TEX14: variants seen among roughly 807,000 people sequenced by gnomAD.
TEX14 encodes inactive serine/threonine-protein kinase TEX14.
TEX14 carries 168 observed loss-of-function variants against 178.6 expected under a neutral mutation model. The observed-to-expected ratio is 0.94, with a 90% CI of 0.83 to 1.07. TEX14 has a LOEUF of 1.07. Ranked by LOEUF, TEX14 falls within the 50% of genes least tolerant of loss-of-function variation. The probability of loss-of-function intolerance (pLI) is 0.00; values close to 1 mark genes in which losing one functional copy is unlikely to be tolerated. For synonymous variants in TEX14, 626 were observed against 634.1 expected (o/e 0.99, Z 0.19); for missense variants, 1,730 against 1,753.6 (o/e 0.99, Z 0.24).
chr17:58,639,363 T>C (rs930557047), intron 2 of TEX14, among the ~76,000 whole-genome samples: 6 of 151,592 alleles, frequency 4.0e-5, no homozygotes, highest in African/African-American at 1.5e-4. Context: ...GTATACTGGT[T>C]GGGTGATGGG....
chr17:58,584,055 T>G (rs188362609), intron 19 of TEX14, among the ~76,000 whole-genome samples: 1 of 152,292 alleles, frequency 6.6e-6, no homozygotes, highest in East Asian at 1.9e-4. Flanking sequence ...TGAGGTGCAG[T>G]TGTCAGGCAC....
chr17:58,687,664 T>C (rs1432609289), intron 1 of TEX14, among the ~76,000 whole-genome samples: 1 of 151,974 alleles, frequency 6.6e-6, no homozygotes, highest in Non-Finnish European at 1.5e-5. Flanking sequence ...TCTATGTTCT[T>C]AGGCTAAAAA....
chr17:58,578,524 G>C (rs1003689188), intron 20 of TEX14, among the ~76,000 whole-genome samples: 4 of 152,096 alleles, frequency 2.6e-5, no homozygotes, highest in Non-Finnish European at 5.9e-5. Context: ...GAAGGAAAAG[G>C]GGGCAGAGAG....
intron 1 of TEX14, among the ~76,000 whole-genome samples, chr17:58,668,342 CA>C (rs2047248211): frequency 6.6e-6 from 1 of 152,132 alleles, no homozygotes. Flanking sequence ...ATCCTTACAG[CA>C]AAAAAGTGCA....
At chr17:58,594,870 C>G (rs1307731757) in intron 14 of TEX14, among the ~76,000 whole-genome samples, 1 of 152,164 alleles carries the variant, frequency 6.6e-6, no homozygotes, top group African/African-American at 2.4e-5. Context: ...ATAATTTTAA[C>G]AAACTTAGTT....
rs1326984238 is a variant in TEX14 at position 58,599,259 on chromosome 17, G to A, written c.2086C>T (p.Gln696Ter). Residue 696 changes from glutamine to a stop codon, truncating the protein, a stop_gained, in exon 14 of 32, where the codon CAA becomes TAA. Coordinates refer to ENST00000349033, the MANE Select transcript of TEX14 (RefSeq NM_031272.5). LOFTEE classifies it high-confidence loss of function. ...TEYSFDDWDW[Q>*]NGSLSSLSLP... The stretch of plus-strand genomic sequence containing the variant: ...CTGAGTGAACTGAGTGAACCGTTTT[G>A]CCAGTCCCAGTCATCAAAAGAGTAC... 1 of 1,613,582 alleles carries A rather than the reference G, an allele frequency of 6.2e-7. No individual in the cohort carries two copies. Among genetic ancestry groups the A allele is most frequent in the East Asian group, 2.2e-5 (1 of 44,880 alleles).
Position 58,644,523 on chromosome 17 carries a change from G to A in TEX14, c.136+7343C>T, listed in dbSNP as rs977159798. ...AGTTTTTGTATTTTTGTAGAGATGG[G>A]GTTTCACCATGTTGGTCAAGCTGTC... On this transcript the variant is annotated intron_variant, in intron 2 of 31. Coordinates refer to ENST00000349033, the MANE Select transcript of TEX14 (RefSeq NM_031272.5). Among the ~76,000 whole-genome samples, 3 of 151,704 alleles carry A rather than the reference G, an allele frequency of 2.0e-5. 1 individual carries two copies. Among genetic ancestry groups the A allele is most frequent in the South Asian group, 4.2e-4 (2 of 4,810 alleles).
chr17:58,641,513 T>TTATTATTAG (rs2046577297), intron 2 of TEX14, among the ~76,000 whole-genome samples: 1 of 149,142 alleles, frequency 6.7e-6, no homozygotes, highest in South Asian at 2.1e-4. Context: ...ATTATTATTA[T>TTATTATTAG]TATTATTTGA....
At chr17:58,561,667 G>T in intron 28 of TEX14, 55 bp from the exon 29 acceptor site, 1 of 1,185,972 alleles carries the variant, frequency 8.4e-7, no homozygotes, top group Non-Finnish European at 1.3e-6. Flanking sequence ...CATCCCCCTT[G>T]ACAAAGATGC....
intron 3 of TEX14, among the ~76,000 whole-genome samples, chr17:58,625,746 G>C (rs2046122133): frequency 1.3e-5 from 2 of 151,990 alleles, no homozygotes; most frequent in South Asian, 4.2e-4. Context: ...TCATTTATTT[G>C]TTTATTTATT....
At chr17:58,609,935 G>C (rs2045705787) in intron 10 of TEX14, among the ~76,000 whole-genome samples, 1 of 152,200 alleles carries the variant, frequency 6.6e-6, no homozygotes, top group South Asian at 2.1e-4. Flanking sequence ...TCAGTGATGG[G>C]TAGGTGGCAG....
intron 20 of TEX14, among the ~76,000 whole-genome samples, chr17:58,578,697 C>CA (rs1567716246): frequency 1.3e-5 from 2 of 152,122 alleles, no homozygotes; most frequent in African/African-American, 4.8e-5. Context: ...AAGGCAGGTC[C>CA]AAAAAAGAGG....
rs528523733 is a variant in TEX14 at position 58,621,872 on chromosome 17, G to T, written c.418-86C>A. Reference sequence around the variant, plus strand: ...TGGGTATGAAGATAAGTGGTCCGAGGAGCTGAGAGCCCCCAACAGAAAAAC... The same window carrying T: ...TGGGTATGAAGATAAGTGGTCCGAGTAGCTGAGAGCCCCCAACAGAAAAAC... On this transcript the variant is annotated intron_variant, in intron 4 of 31. Transcript: ENST00000349033. 59 of 1,428,740 alleles carry T rather than the reference G, an allele frequency of 4.1e-5. No individual in the cohort carries two copies. The African/African-American group carries it at 7.9e-4, about 19-fold the overall frequency. The allele number at this position is 1,428,740 out of a possible 1,614,324, so 88.5% of individuals were successfully genotyped here.
At chr17:58,580,124 G>C (rs1157897312) in intron 19 of TEX14, among the ~76,000 whole-genome samples, 1 of 152,232 alleles carries the variant, frequency 6.6e-6, no homozygotes, top group Non-Finnish European at 1.5e-5. Context: ...CCTTTTGGAA[G>C]AGGCAGTGAC....
At chr17:58,622,758 C>T in intron 4 of TEX14, 89 bp downstream of exon 4, 1 of 1,308,898 alleles carries the variant, frequency 7.6e-7, no homozygotes, top group Non-Finnish European at 1.0e-6. Flanking sequence ...ACTAAGGCCA[C>T]TGTACGCTCT....
At chr17:58,600,708 C>CA (rs1240352339) in intron 13 of TEX14, among the ~76,000 whole-genome samples, 1 of 152,034 alleles carries the variant, frequency 6.6e-6, no homozygotes, top group Non-Finnish European at 1.5e-5. Context: ...ACTAAGCTGT[C>CA]AAAGTAATGA....
At chr17:58,608,403 C>A (rs966432413) in intron 10 of TEX14, among the ~76,000 whole-genome samples, 2 of 148,490 alleles carry the variant, frequency 1.3e-5, no homozygotes, top group African/African-American at 5.0e-5. Flanking sequence ...GGCAACAGAG[C>A]GAGACTCCAT....
chr17:58,629,281 T>C lies in TEX14; in HGVS notation c.251+1159A>G, dbSNP rs541392721. ...CAGCCTGGCCAACATGGCAACACCC[T>C]GTCTCTACTAAAAATACAAAAAATT... is the stretch of plus-strand genomic sequence containing the variant. On this transcript the variant is annotated intron_variant, in intron 3 of 31. Transcript: ENST00000349033. Among the ~76,000 whole-genome samples, 7 of 151,636 alleles carry C rather than the reference T, an allele frequency of 4.6e-5. No individual in the cohort carries two copies. The East Asian group carries it at 9.8e-4, about 21-fold the overall frequency.
At chr17:58,659,541 A>G (rs897032304) in intron 1 of TEX14, among the ~76,000 whole-genome samples, 1 of 152,122 alleles carries the variant, frequency 6.6e-6, no homozygotes, top group African/African-American at 2.4e-5. Flanking sequence ...TAGTAACGTC[A>G]CCACCTGCTT....
Sources: allele counts gnomAD v4.1 joint callset (sites outside exome capture counted in the v4.1 genomes callset), GRCh38; gene constraint gnomAD v4.1.1; transcripts MANE v1.5; gene names NCBI Gene and HGNC (gene_info 2026-07-23, HGNC 2026-07-21).